ITGA1: variants seen among roughly 807,000 people sequenced by gnomAD.
ITGA1 encodes the protein integrin subunit alpha 1, also known as integrin alpha-1.
ITGA1 carries 85 observed loss-of-function variants against 145.9 expected under a neutral mutation model. The observed-to-expected ratio is 0.58, with a 90% CI of 0.49 to 0.70. The LOEUF (loss-of-function observed/expected upper bound fraction) is 0.70. Among genes scored for constraint, ITGA1 ranks in the 30% least tolerant of loss-of-function variants. The probability of loss-of-function intolerance (pLI) is 0.00; values close to 1 mark genes in which losing one functional copy is unlikely to be tolerated. For synonymous variants in ITGA1, 520 were observed against 495.3 expected (o/e 1.05, Z -0.66); for missense variants, 1,351 against 1,418.7 (o/e 0.95, Z 0.77).
chr5:52,866,420 T>G (rs1749689125), intron 6 of ITGA1, among the ~76,000 whole-genome samples: 1 of 152,250 alleles, frequency 6.6e-6, no homozygotes. Context: ...AGTTTAATTT[T>G]TACTTAAAAT....
intron 11 of ITGA1, chr5:52,902,476 C>G (rs1344431379): frequency 6.6e-6 from 1 of 152,228 alleles, no homozygotes; most frequent in African/African-American, 2.4e-5. Context: ...GATCCTGGCC[C>G]TTTTCCCAAG....
chr5:52,871,934 G>T (rs1381070684), intron 6 of ITGA1, among the ~76,000 whole-genome samples: 1 of 152,040 alleles, frequency 6.6e-6, no homozygotes, highest in Non-Finnish European at 1.5e-5. Context: ...CATTATGGAG[G>T]TCTTATTGAT....
intron 26 of ITGA1, among the ~76,000 whole-genome samples, chr5:52,943,614 G>T (rs968943157): frequency 5.3e-5 from 8 of 152,098 alleles, no homozygotes; most frequent in Non-Finnish European, 1.0e-4. Flanking sequence ...CTTTTGTTAG[G>T]TGTTCTGGGC....
rs1751314399 is a variant in ITGA1 at position 52,956,933 on chromosome 5, A to AAC, written c.*4482_*4483insAC. 1 of 152,222 alleles carries AAC rather than the reference A, an allele frequency of 6.6e-6. No homozygotes were observed. The highest frequency in any genetic ancestry group is 1.5e-5 in the Non-Finnish European group (1 of 68,046). 9.4% of individuals were successfully genotyped at this position (152,222 alleles called of 1,614,324 possible). A position where few individuals can be genotyped will look rare whatever the true frequency, so the allele number is the denominator to read the frequency against. ...AGAATTTCTGAAACCAACACCAGGT[A>AAC]TTAATTGTTAACTGCAGTGAAAGGA... On this transcript the variant is annotated 3_prime_UTR_variant, in exon 29 of 29. Transcript: ENST00000282588.
chr5:52,788,300 C>G lies in ITGA1; in HGVS notation c.-54C>G. ...CAGCCAGAGAGCGCAGCTCCCGCGC[C>G]CGGTCCTGCCCTGCGAACCAGCGCG... On this transcript the variant is annotated 5_prime_UTR_variant, in exon 1 of 29. Transcript: ENST00000282588. The G allele has an allele frequency of 7.2e-7, 1 of 1,380,622 alleles. No individual in the cohort carries two copies. Among genetic ancestry groups the G allele is most frequent in the South Asian group, 1.5e-5 (1 of 68,792 alleles). 85.5% of individuals were successfully genotyped at this position (1,380,622 alleles called of 1,614,324 possible).
At chr5:52,788,446 T>A in intron 1 of ITGA1, 32 bp downstream of exon 1, 1 of 1,466,450 alleles carries the variant, frequency 6.8e-7, no homozygotes, top group East Asian at 2.9e-5. Flanking sequence ...GAGCATCTCC[T>A]GCTCGCGGGC....
intron 13 of ITGA1, 33 bp from the exon 14 acceptor site, chr5:52,910,129 A>G (rs939670889): frequency 6.3e-7 from 1 of 1,582,272 alleles, no homozygotes; most frequent in Non-Finnish European, 8.6e-7. Flanking sequence ...TAATGATGGA[A>G]ATACATAAAT....
At position 52,924,943 on chromosome 5, in the gene ITGA1, T is replaced by A. The variant is rs962618644; in HGVS notation, c.2404-335T>A. On this transcript the variant is annotated intron_variant, in intron 18 of 28. Transcript: ENST00000282588. Reference sequence around the variant, plus strand: ...GATTAATTTTAAGAGAAAAATCTCATGATTAGAGTTGAGTAGATTTAGATC... The same window carrying A: ...GATTAATTTTAAGAGAAAAATCTCAAGATTAGAGTTGAGTAGATTTAGATC... 3.9e-5 allele frequency among the ~76,000 whole-genome samples: 6 copies of A among 152,194 alleles called. No homozygotes were observed. The East Asian group carries it at 1.2e-3, about 29-fold the overall frequency.
At chr5:52,816,936 C>T (rs1580044393) in intron 1 of ITGA1, among the ~76,000 whole-genome samples, 2 of 152,272 alleles carry the variant, frequency 1.3e-5, no homozygotes, top group East Asian at 3.9e-4. Context: ...GTGGTATCAC[C>T]TAGCAGCTGG....
chr5:52,849,567 G>A, intron 2 of ITGA1, 82 bp downstream of exon 2: 1 of 1,178,142 alleles, frequency 8.5e-7, no homozygotes. Flanking sequence ...TTTCTTTTAT[G>A]AATGAAACTT....
chr5:52,911,499 G>C (rs188546308), intron 14 of ITGA1, among the ~76,000 whole-genome samples: 2 of 118,790 alleles, frequency 1.7e-5, no homozygotes, highest in Admixed American at 1.9e-4. Flanking sequence ...AGTATATATA[G>C]TAGATACACT....
chr5:52,939,764 C>T, intron 25 of ITGA1, 73 bp downstream of exon 25: 1 of 1,429,492 alleles, frequency 7.0e-7, no homozygotes, highest in Admixed American at 1.7e-5. Flanking sequence ...CTAGAAATAA[C>T]CATCTGAAGA....
rs570614505 is a variant in ITGA1, at chr5:52,802,593, T to G, written c.61+14179T>G. The G allele has an allele frequency of 1.1e-3, 163 of 152,320 alleles. 1 individual carries two copies. The highest frequency in any genetic ancestry group is 3.7e-3 in the African/African-American group (155 of 41,574). 9.4% of individuals were successfully genotyped at this position (152,320 alleles called of 1,614,324 possible). On this transcript the variant is annotated intron_variant, in intron 1 of 28. Coordinates refer to ENST00000282588, the MANE Select transcript of ITGA1 (RefSeq NM_181501.2). ...TTATTTTTAAAATGAGATTAAAGTA[T>G]GTGATTTGCTTGTTATGTGGCTAAT...
At chr5:52,849,739 A>G (rs1376395847) in intron 2 of ITGA1, among the ~76,000 whole-genome samples, 4 of 152,150 alleles carry the variant, frequency 2.6e-5, no homozygotes, top group Non-Finnish European at 5.9e-5. Flanking sequence ...GTATCCAAAA[A>G]AGCTATTGTT....
At chr5:52,842,021 T>A (rs2111739306) in intron 1 of ITGA1, among the ~76,000 whole-genome samples, 1 of 152,270 alleles carries the variant, frequency 6.6e-6, no homozygotes, top group East Asian at 1.9e-4. Context: ...GTGGTTCAGG[T>A]CGGTGAATTC....
chr5:52,821,187 G>A (rs975250407), intron 1 of ITGA1, among the ~76,000 whole-genome samples: 4 of 152,160 alleles, frequency 2.6e-5, no homozygotes, highest in Non-Finnish European at 5.9e-5. Flanking sequence ...AGTAAAGTTT[G>A]ATACCATTCA....
At position 52,958,192 on chromosome 5, in the gene ITGA1, C is replaced by T. The variant is rs12659969; in HGVS notation, c.*5741C>T. The T allele has an allele frequency of 0.63, 95,128 of 151,912 alleles. 30,472 individuals carry two copies. The highest frequency in any genetic ancestry group is 0.72 in the Middle Eastern group (211 of 294). 9.4% of individuals were successfully genotyped at this position (151,912 alleles called of 1,614,324 possible). Reference sequence around the variant, plus strand: ...GACCAGTGCCAGGTGACAATCTTTCCGTCATGCTGCTGCAGCATTTTGCAC... The same window carrying T: ...GACCAGTGCCAGGTGACAATCTTTCTGTCATGCTGCTGCAGCATTTTGCAC... On this transcript the variant is annotated 3_prime_UTR_variant, in exon 29 of 29. Coordinates refer to ENST00000282588, the MANE Select transcript of ITGA1 (RefSeq NM_181501.2).
intron 1 of ITGA1, chr5:52,801,878 T>G: frequency 1.4e-6 from 2 of 1,460,998 alleles, no homozygotes; most frequent in Non-Finnish European, 1.9e-6. Flanking sequence ...TTGTGTTTCC[T>G]AAACTGTTAC....
intron 6 of ITGA1, among the ~76,000 whole-genome samples, chr5:52,871,730 A>C: frequency 1.6e-5 from 1 of 62,756 alleles, no homozygotes; most frequent in Non-Finnish European, 3.4e-5. Context: ...CATTCACTCT[A>C]AAGAGTTACT....
Sources: allele counts gnomAD v4.1 joint callset (sites outside exome capture counted in the v4.1 genomes callset), GRCh38; gene constraint gnomAD v4.1.1; transcripts MANE v1.5; gene names NCBI Gene and HGNC (gene_info 2026-07-23, HGNC 2026-07-21).